SLC17A1: variants seen among roughly 807,000 people sequenced by gnomAD.
The protein encoded by SLC17A1 is solute carrier family 17 member 1, also known as sodium-dependent phosphate transport protein 1.
A neutral mutation model predicts 53.5 loss-of-function variants in SLC17A1; 51 were observed. The ratio of observed to expected loss-of-function variants is 0.95; its 90% CI spans 0.76 to 1.20. The LOEUF is 1.20. Ranked by LOEUF, SLC17A1 falls within the 50% of genes most tolerant of loss-of-function variation. The probability of loss-of-function intolerance (pLI) is 0.00; values close to 1 mark genes in which losing one functional copy is unlikely to be tolerated. For missense variants in SLC17A1, 538 were observed against 568.2 expected (o/e 0.95, Z 0.54); for synonymous variants, 179 against 198.8 (o/e 0.90, Z 0.84).
Position 25,819,904 on chromosome 6 carries a change from A to T in SLC17A1, c.219T>A (p.Tyr73Ter). 4 of 1,607,586 alleles carry T rather than the reference A, an allele frequency of 2.5e-6. No homozygotes were observed. Among genetic ancestry groups the T allele is most frequent in the South Asian group, 1.1e-5 (1 of 90,162 alleles). The change falls in exon 4 of 13, where the codon TAT becomes TAA. Residue 73 changes from tyrosine (Y) to a stop codon, truncating the protein, a stop_gained. Transcript: ENST00000244527. LOFTEE classifies it high-confidence loss of function. ...TTCCCTGGATATCTGGGCTCCAATTATACATAGGGTTCTAAAAGACAAGGG... is the reference window on the plus strand; with the variant it reads ...TTCCCTGGATATCTGGGCTCCAATTTTACATAGGGTTCTAAAAGACAAGGG... The part of the protein sequence containing the change: ...KLLDNIKNPM[Y>*]NWSPDIQGII...
chr6:25,792,039 C>A (rs533637322), intron 12 of SLC17A1, among the ~76,000 whole-genome samples: 6 of 152,262 alleles, frequency 3.9e-5, no homozygotes, highest in African/African-American at 1.4e-4. Flanking sequence ...AAGATGGATC[C>A]CAGGTGGCTA....
At chr6:25,741,919 T>A in the SLC17A1 span, among the ~76,000 whole-genome samples, 1 of 151,906 alleles carries the variant, frequency 6.6e-6, no homozygotes, top group Admixed American at 6.6e-5. Flanking sequence ...ATTGTTGAAG[T>A]ATATCCTTGG....
intron 12 of SLC17A1, among the ~76,000 whole-genome samples, chr6:25,789,516 A>G (rs1050347242): frequency 6.6e-6 from 1 of 152,186 alleles, no homozygotes. Context: ...AACTTTGCAG[A>G]GGCAAAACCT....
the SLC17A1 span, chr6:25,768,489 C>A: frequency 1.6e-6 from 1 of 625,792 alleles, no homozygotes; most frequent in Non-Finnish European, 2.0e-6. Flanking sequence ...ATGATCTAAC[C>A]ATAGCCTATC....
chr6:25,774,258 G>A, the SLC17A1 span, among the ~76,000 whole-genome samples: 1 of 152,134 alleles, frequency 6.6e-6, no homozygotes, highest in Non-Finnish European at 1.5e-5. Context: ...TCACAAAATA[G>A]ACAGATACTC....
chr6:25,826,718 T>C, intron 2 of SLC17A1, 85 bp from the exon 3 acceptor site: 4 of 935,134 alleles, frequency 4.3e-6, no homozygotes, highest in Non-Finnish European at 5.9e-6. Flanking sequence ...TTCAGAAATT[T>C]GGAGCCCTAG....
intron 12 of SLC17A1, among the ~76,000 whole-genome samples, chr6:25,787,301 A>G (rs996417649): frequency 2.7e-4 from 41 of 151,914 alleles, no homozygotes; most frequent in African/African-American, 6.8e-4. Context: ...AGCCTGGGAA[A>G]CATAGCTAAA....
the SLC17A1 span, chr6:25,768,903 C>G: frequency 4.8e-6 from 6 of 1,259,220 alleles, no homozygotes; most frequent in Admixed American, 7.2e-5. Flanking sequence ...CAGACAGATA[C>G]CAATCTTCTC....
At chr6:25,811,366 AG>A in intron 10 of SLC17A1, 31 bp downstream of exon 10, 2 of 1,571,444 alleles carry the variant, frequency 1.3e-6, no homozygotes, top group South Asian at 2.3e-5. Flanking sequence ...TATTTGTTAA[AG>A]GTTAAAAAAA....
At chr6:25,795,097 C>T (rs1181772921) in intron 12 of SLC17A1, among the ~76,000 whole-genome samples, 4 of 152,192 alleles carry the variant, frequency 2.6e-5, no homozygotes, top group Non-Finnish European at 4.4e-5. Context: ...AGAATACCTC[C>T]TGCACTATGG....
intron 10 of SLC17A1, among the ~76,000 whole-genome samples, chr6:25,809,011 C>G (rs562646429): frequency 6.6e-6 from 1 of 152,006 alleles, no homozygotes; most frequent in East Asian, 1.9e-4. Flanking sequence ...TGTCCATCAA[C>G]AGATGATTGG....
intron 11 of SLC17A1, among the ~76,000 whole-genome samples, chr6:25,800,580 C>A (rs1264296005): frequency 6.6e-6 from 1 of 152,004 alleles, no homozygotes; most frequent in Non-Finnish European, 1.5e-5. Flanking sequence ...ACTTATATTA[C>A]CACTCAGCCA....
the SLC17A1 span, among the ~76,000 whole-genome samples, chr6:25,759,215 A>G: frequency 4.1e-5 from 6 of 147,446 alleles, no homozygotes; most frequent in Non-Finnish European, 7.6e-5. Flanking sequence ...TTTGTGGCCT[A>G]TCATATGGTC....
downstream of SLC17A1, chr6:25,778,930 G>T (rs1212796201): frequency 2.4e-6 from 3 of 1,234,980 alleles, no homozygotes; most frequent in South Asian, 4.2e-5. Context: ...GACCAACTGG[G>T]AAGCCCATGG....
intron 3 of SLC17A1, among the ~76,000 whole-genome samples, chr6:25,824,022 G>A (rs1764654335): frequency 6.6e-6 from 1 of 151,624 alleles, no homozygotes; most frequent in Non-Finnish European, 1.5e-5. Flanking sequence ...TCAACAAATT[G>A]GGCTGAAAAA....
chr6:25,759,180 T>G, the SLC17A1 span, among the ~76,000 whole-genome samples: 2 of 152,190 alleles, frequency 1.3e-5, no homozygotes, highest in African/African-American at 2.4e-5. Flanking sequence ...ATAATTTCGA[T>G]TTCCTTAAAT....
chr6:25,726,628 C>T, the SLC17A1 span: 7 of 1,382,244 alleles, frequency 5.1e-6, no homozygotes, highest in African/African-American at 5.8e-5. Context: ...ATCTGATTGG[C>T]TGATGGCCGT....
chr6:25,792,604 A>T (rs1386302647), intron 12 of SLC17A1, among the ~76,000 whole-genome samples: 1 of 152,114 alleles, frequency 6.6e-6, no homozygotes, highest in Non-Finnish European at 1.5e-5. Flanking sequence ...TTGCTATAAA[A>T]CCAGAGCCTT....
At chr6:25,800,131 G>A (rs949940552) in intron 11 of SLC17A1, among the ~76,000 whole-genome samples, 2 of 151,974 alleles carry the variant, frequency 1.3e-5, no homozygotes, top group African/African-American at 4.8e-5. Context: ...TGGTGCTAGT[G>A]GTATGAAGGT....
Sources: gnomAD v4.1 joint callset for allele counts (sites outside exome capture counted in the v4.1 genomes callset) on GRCh38, gnomAD v4.1.1 for gene constraint, MANE v1.5 for transcripts, NCBI Gene and HGNC (gene_info 2026-07-23, HGNC 2026-07-21) for gene names.